Variants in PHF24 observed in about 807,000 individuals in gnomAD.
The protein encoded by PHF24 is Galpha inhibitory interacting protein.
A neutral mutation model predicts 42.6 loss-of-function variants in PHF24; 25 were observed. The ratio of observed to expected loss-of-function variants is 0.59; its 90% CI spans 0.43 to 0.82. PHF24 has a LOEUF of 0.82. Ranked by LOEUF, PHF24 falls within the 40% of genes least tolerant of loss-of-function variation. PHF24 has a pLI of 0.00. For synonymous variants in PHF24, 185 were observed against 204.8 expected, an observed-to-expected ratio of 0.90 and a Z score of 0.83; for missense variants, 470 against 538.1, an observed-to-expected ratio of 0.87 and a Z score of 1.25.
chr9:34,946,158 A>G, the PHF24 span, among the ~76,000 whole-genome samples: 2 of 152,220 alleles, frequency 1.3e-5, no homozygotes, highest in Admixed American at 1.3e-4. Flanking sequence ...AGGATTAAAT[A>G]AAATAATATA....
chr9:34,807,428 A>T, the PHF24 span, among the ~76,000 whole-genome samples: 4 of 152,218 alleles, frequency 2.6e-5, no homozygotes, highest in Non-Finnish European at 5.9e-5. Flanking sequence ...GAATGCAGTG[A>T]TTATGGCCTA....
the PHF24 span, among the ~76,000 whole-genome samples, chr9:34,748,967 G>T: frequency 6.6e-6 from 1 of 151,904 alleles, no homozygotes; most frequent in Non-Finnish European, 1.5e-5. Context: ...ATAACACAGA[G>T]AAAAAATTCA....
At chr9:34,838,555 G>A in the PHF24 span, 2 of 1,089,454 alleles carry the variant, frequency 1.8e-6, no homozygotes, top group Admixed American at 2.2e-5. Context: ...GGGTTCTGGT[G>A]CCTAATGACT....
chr9:34,790,180 T>A, the PHF24 span, among the ~76,000 whole-genome samples: 137,932 of 152,226 alleles, frequency 0.91, 63,356 homozygotes, highest in Non-Finnish European at 0.99. Flanking sequence ...AATCAGGAGG[T>A]TTACATAATT....
At chr9:34,954,205 T>C (rs745776154), upstream of PHF24, among the ~76,000 whole-genome samples, 17 of 152,058 alleles carry the variant, frequency 1.1e-4, no homozygotes, top group Non-Finnish European at 2.5e-4. Flanking sequence ...AACCAAGACG[T>C]AGGAAGAGCA....
the PHF24 span, among the ~76,000 whole-genome samples, chr9:34,943,742 T>A: frequency 1.3e-5 from 2 of 152,190 alleles, no homozygotes; most frequent in Admixed American, 6.5e-5. Context: ...TCTCTACAAC[T>A]CCCTCAAGCT....
At chr9:34,710,055 T>G in the PHF24 span, 15 of 1,613,692 alleles carry the variant, frequency 9.3e-6, no homozygotes, top group Non-Finnish European at 1.3e-5. Flanking sequence ...TCAGAGCCAG[T>G]GACTGAGCCA....
the PHF24 span, among the ~76,000 whole-genome samples, chr9:34,901,808 T>G: frequency 6.6e-6 from 1 of 152,180 alleles, no homozygotes; most frequent in Non-Finnish European, 1.5e-5. Context: ...ACTTTCTAGG[T>G]TTAGTAATGG....
the PHF24 span, among the ~76,000 whole-genome samples, chr9:34,847,441 C>CGT: frequency 1.3e-5 from 2 of 151,956 alleles, no homozygotes; most frequent in African/African-American, 4.8e-5. Flanking sequence ...GATTTTTGTA[C>CGT]ATTGATTTTG....
At chr9:34,762,766 A>C in the PHF24 span, among the ~76,000 whole-genome samples, 1 of 152,176 alleles carries the variant, frequency 6.6e-6, no homozygotes, top group East Asian at 1.9e-4. Context: ...ACATGAAGAC[A>C]TTGCCCATGC....
the PHF24 span, among the ~76,000 whole-genome samples, chr9:34,789,132 C>T: frequency 9.9e-5 from 15 of 152,004 alleles, no homozygotes; most frequent in African/African-American, 3.1e-4. Context: ...AAGGCAGGGA[C>T]TTAAGGCAGT....
At chr9:34,866,592 T>G in the PHF24 span, among the ~76,000 whole-genome samples, 1 of 152,138 alleles carries the variant, frequency 6.6e-6, no homozygotes, top group Non-Finnish European at 1.5e-5. Flanking sequence ...CTGAGCTCAG[T>G]GCACATCTAG....
chr9:34,922,997 G>T, the PHF24 span: 1 of 843,194 alleles, frequency 1.2e-6, no homozygotes, highest in Non-Finnish European at 1.7e-6. Flanking sequence ...GTGCTGCTGG[G>T]CCGGGCCTGG....
the PHF24 span, among the ~76,000 whole-genome samples, chr9:34,952,283 C>G: frequency 6.6e-6 from 1 of 152,112 alleles, no homozygotes; most frequent in Non-Finnish European, 1.5e-5. Context: ...GCTATTTGGA[C>G]AATTGGAAAT....
the PHF24 span, chr9:34,832,967 C>A: frequency 1.3e-6 from 2 of 1,551,710 alleles, no homozygotes. Flanking sequence ...ATGCTGGGGG[C>A]TGTGTTGACA....
At chr9:34,746,094 A>T in the PHF24 span, among the ~76,000 whole-genome samples, 2 of 152,186 alleles carry the variant, frequency 1.3e-5, no homozygotes, top group African/African-American at 4.8e-5. Context: ...AGAAAATTTG[A>T]AAGATTTATA....
chr9:34,803,936 A>T, the PHF24 span, among the ~76,000 whole-genome samples: 1 of 152,180 alleles, frequency 6.6e-6, no homozygotes, highest in Non-Finnish European at 1.5e-5. Flanking sequence ...AAGATTTTTC[A>T]TATAGATGCT....
chr9:34,841,839 A>G, the PHF24 span, among the ~76,000 whole-genome samples: 1 of 152,224 alleles, frequency 6.6e-6, no homozygotes, highest in Non-Finnish European at 1.5e-5. Context: ...CCTGGGCAAC[A>G]AGAGTGAGAC....
chr9:34,769,141 G>A, the PHF24 span, among the ~76,000 whole-genome samples: 1 of 152,028 alleles, frequency 6.6e-6, no homozygotes, highest in African/African-American at 2.4e-5. Context: ...TTTGGAGACA[G>A]AATCTTGCTC....
Sources: allele counts gnomAD v4.1 joint callset (sites outside exome capture counted in the v4.1 genomes callset), GRCh38; gene constraint gnomAD v4.1.1; transcripts MANE v1.5; gene names NCBI Gene and HGNC (gene_info 2026-07-23, HGNC 2026-07-21).